Variants in ANKRD11 observed in about 807,000 individuals in gnomAD.
ANKRD11 encodes the protein ankyrin repeat domain 11.
In ANKRD11, 17 loss-of-function variants were observed where a neutral mutation model predicts 195.7. That is an observed-to-expected ratio of 0.09 (90% CI 0.06 to 0.13). The LOEUF (loss-of-function observed/expected upper bound fraction) is 0.13. Among genes scored for constraint, ANKRD11 ranks in the 10% least tolerant of loss-of-function variants. The pLI is 1.00. For synonymous variants in ANKRD11, 1,953 were observed against 1,528.1 expected (o/e 1.28, Z -6.49); for missense variants, 3,735 against 3,566.1 (o/e 1.05, Z -1.21).
chr16:89,269,436 C>T (rs1366098135), intron 12 of ANKRD11, among the ~76,000 whole-genome samples: 1 of 152,116 alleles, frequency 6.6e-6, no homozygotes, highest in Non-Finnish European at 1.5e-5. Flanking sequence ...AGGATGGATT[C>T]ACAATCCTCC....
chr16:89,276,291 G>T (rs1474813322), intron 9 of ANKRD11, among the ~76,000 whole-genome samples: 1 of 152,186 alleles, frequency 6.6e-6, no homozygotes, highest in African/African-American at 2.4e-5. Flanking sequence ...AGGGAGACAG[G>T]CCCAGCGCAC....
At chr16:89,374,471 G>A (rs547816380) in intron 2 of ANKRD11, among the ~76,000 whole-genome samples, 7 of 152,178 alleles carry the variant, frequency 4.6e-5, no homozygotes, top group African/African-American at 9.6e-5. Flanking sequence ...ACCACTAATC[G>A]GCCCAGTACA....
intron 1 of ANKRD11, among the ~76,000 whole-genome samples, chr16:89,441,541 G>C (rs1372961242): frequency 6.6e-6 from 1 of 152,024 alleles, no homozygotes; most frequent in Non-Finnish European, 1.5e-5. Flanking sequence ...GCCAAGGCGG[G>C]CGGATCACGA....
chr16:89,442,113 T>C (rs780386973), intron 1 of ANKRD11, among the ~76,000 whole-genome samples: 5 of 152,170 alleles, frequency 3.3e-5, no homozygotes, highest in Non-Finnish European at 7.3e-5. Context: ...CAGTGAGCAG[T>C]TGGCACACCG....
chr16:89,401,259 AGT>A (rs1020346654), intron 2 of ANKRD11, among the ~76,000 whole-genome samples: 1 of 152,088 alleles, frequency 6.6e-6, no homozygotes, highest in African/African-American at 2.4e-5. Flanking sequence ...TTGGATTTTT[AGT>A]AGAGACCGGG....
chr16:89,361,792 A>C (rs1287400545), intron 2 of ANKRD11: 1 of 152,268 alleles, frequency 6.6e-6, no homozygotes, highest in African/African-American at 2.4e-5. Flanking sequence ...GTACAAAGTA[A>C]AAAGATTTAA....
intron 4 of ANKRD11, among the ~76,000 whole-genome samples, chr16:89,302,077 C>A (rs1334728831): frequency 6.6e-6 from 1 of 152,194 alleles, no homozygotes; most frequent in Non-Finnish European, 1.5e-5. Flanking sequence ...GTCAGTTAAC[C>A]CTGCACCAAT....
Position 89,281,969 on chromosome 16 carries a change from G to A in ANKRD11, c.4573C>T (p.Leu1525Phe). The change falls in exon 9 of 13, where the codon CTC becomes TTC. Residue 1525 changes from leucine to phenylalanine, a missense_variant. Coordinates refer to ENST00000301030, the MANE Select transcript of ANKRD11 (RefSeq NM_013275.6). This position sits in a 1 kb window ranked among gnomAD's most constrained non-coding sequence, Gnocchi z 5.5. Reference protein sequence around the residue: ...KDKSRDEGPRLGDAKLKEKFK... With the variant: ...KDKSRDEGPRFGDAKLKEKFK... ...TTCTCCTTCAGTTTGGCATCGCCGAGCCTCGGGCCCTCGTCCCTGGACTTG... is the reference window on the plus strand; with the variant it reads ...TTCTCCTTCAGTTTGGCATCGCCGAACCTCGGGCCCTCGTCCCTGGACTTG... The A allele has an allele frequency of 1.2e-6, 2 of 1,612,882 alleles. No individual in the cohort carries two copies. The highest frequency in any genetic ancestry group is 1.7e-5 in the Admixed American group (1 of 60,024).
intron 6 of ANKRD11, 183 bp from the exon 7 acceptor site, chr16:89,288,853 T>G: frequency 1.3e-6 from 1 of 762,070 alleles, no homozygotes; most frequent in South Asian, 1.6e-5. Context: ...TTCTCTTTAC[T>G]GTGGCACCTC....
chr16:89,487,859 T>C (rs1266025457), intron 1 of ANKRD11, among the ~76,000 whole-genome samples: 1 of 152,192 alleles, frequency 6.6e-6, no homozygotes, highest in Non-Finnish European at 1.5e-5. Flanking sequence ...TCCTTCACTC[T>C]ATTTGTAGGG....
At chr16:89,400,750 G>A (rs1250874665) in intron 2 of ANKRD11, among the ~76,000 whole-genome samples, 1 of 72,856 alleles carries the variant, frequency 1.4e-5, no homozygotes, top group African/African-American at 7.4e-5. Context: ...CCTGCGCTGG[G>A]GGATGGTCAT....
chr16:89,341,241 A>C (rs547208596), intron 2 of ANKRD11, among the ~76,000 whole-genome samples: 2 of 152,264 alleles, frequency 1.3e-5, no homozygotes, highest in Non-Finnish European at 2.9e-5. Flanking sequence ...CATGGCAAGC[A>C]GACCCGGTTT....
intron 1 of ANKRD11, among the ~76,000 whole-genome samples, chr16:89,469,269 T>G (rs960859059): frequency 6.6e-6 from 1 of 152,112 alleles, no homozygotes; most frequent in African/African-American, 2.4e-5. Context: ...TCGCCCAGGC[T>G]AGAGTGCTGT....
chr16:89,378,507 T>C (rs752194595), intron 2 of ANKRD11, among the ~76,000 whole-genome samples: 1 of 152,168 alleles, frequency 6.6e-6, no homozygotes, highest in Non-Finnish European at 1.5e-5. Flanking sequence ...AGCAAAAACG[T>C]AGAGCTTTAA....
At chr16:89,432,236 T>TACAC (rs59807718) in intron 1 of ANKRD11, among the ~76,000 whole-genome samples, 1,723 of 142,922 alleles carry the variant, frequency 0.012, 30 homozygotes, top group East Asian at 0.038. Flanking sequence ...CGTGATGCAG[T>TACAC]ACACACACAC....
intron 2 of ANKRD11, among the ~76,000 whole-genome samples, chr16:89,382,855 TTTGAGACAGAGTTTCACTCTTG>T (rs2040722357): frequency 6.6e-6 from 1 of 152,086 alleles, no homozygotes; most frequent in Non-Finnish European, 1.5e-5. Flanking sequence ...TTGCCCATTT[TTTGAGACAGAGTTTCACTCTTG>T]TTGCCCAGGC....
chr16:89,302,608 C>T (rs908534090), intron 4 of ANKRD11, among the ~76,000 whole-genome samples: 6 of 152,060 alleles, frequency 3.9e-5, no homozygotes, highest in Admixed American at 2.0e-4. Flanking sequence ...GGATAAGCAA[C>T]GCTCCACACT....
rs1258046672 is a variant in ANKRD11 at position 89,290,796 on chromosome 16, T to C, written c.430A>G (p.Thr144Ala). 3 of 1,613,912 alleles carry C rather than the reference T, an allele frequency of 1.9e-6. No individual in the cohort carries two copies. In the Admixed American group the frequency reaches 5.0e-5, roughly 27 times the overall value. The change falls in exon 6 of 13, where the codon ACA (threonine) becomes GCA (alanine). Residue 144 changes from threonine (T) to alanine (A), a missense_variant. Coordinates refer to ENST00000301030, the MANE Select transcript of ANKRD11 (RefSeq NM_013275.6). ...DTTPKHPSQS[T>A]VCQKGTPNSA... The stretch of plus-strand genomic sequence containing the variant: ...TTGGGCGTTCCCTTCTGACACACTG[T>C]AGACTGGGAGGGGTGCTTTGGTGTT...
rs975084733 is a variant in ANKRD11, at chr16:89,284,490, T to C, written c.2052A>G (p.Leu684=). Residue 684 remains leucine, a synonymous_variant, in exon 9 of 13, where the codon CTA becomes CTG. Transcript: ENST00000301030. ...GGTCGCGATCGTGCTTTAACACTTT[T>C]AGCTTGTTTTCAGTGGAAAGATCAT... ...LENDLSTENK[L]KVLKHDRDHF... 5.0e-6 allele frequency: 8 copies of C among 1,614,060 alleles called. No homozygotes were observed. The African/African-American group carries it at 9.3e-5, about 19-fold the overall frequency.
Sources: gnomAD v4.1 joint callset for allele counts (sites outside exome capture counted in the v4.1 genomes callset) on GRCh38, gnomAD v4.1.1 for gene constraint, Gnocchi (gnomAD v3.1) non-coding constraint, MANE v1.5 for transcripts, NCBI Gene and HGNC (gene_info 2026-07-23, HGNC 2026-07-21) for gene names.